Variants in NAPEPLD observed in about 807,000 individuals in gnomAD.
NAPEPLD encodes the protein N-acyl phosphatidylethanolamine phospholipase D.
NAPEPLD carries 23 observed loss-of-function variants against 38.1 expected under a neutral mutation model. That is an observed-to-expected ratio of 0.60 (90% CI 0.43 to 0.86). The LOEUF (loss-of-function observed/expected upper bound fraction) is 0.86. Ranked by LOEUF, NAPEPLD falls within the 40% of genes least tolerant of loss-of-function variation. The pLI is 0.00. For missense variants in NAPEPLD, 411 were observed against 476.8 expected, an observed-to-expected ratio of 0.86 and a Z score of 1.28; for synonymous variants, 147 against 162.0, an observed-to-expected ratio of 0.91 and a Z score of 0.71.
At chr7:103,149,406 C>G (rs918849728), upstream of NAPEPLD, 19 of 1,226,362 alleles carry the variant, frequency 1.5e-5, no homozygotes, top group Non-Finnish European at 1.7e-5. Flanking sequence ...TTCTTCCTAA[C>G]CCGAGCCCGC....
chr7:103,115,103 T>A lies in NAPEPLD; in HGVS notation c.1013A>T (p.Lys338Ile). Residue 338 changes from lysine to isoleucine, a missense_variant, in exon 4 of 5, where the codon AAA becomes ATA. Lys to Ile is a moderately radical substitution (Grantham distance 102, BLOSUM62 -3). Coordinates refer to ENST00000465647, the MANE Select transcript of NAPEPLD (RefSeq NM_001122838.3). ...VRIHTDVQTK[K>I]SMAIHWGTFA... ...AGTTCCCCAGTGAATTGCCATAGAT[T>A]TCTTTGTTTGGACATCAGTGTGAAT... is the stretch of plus-strand genomic sequence containing the variant. The A allele has an allele frequency of 6.2e-7, 1 of 1,614,036 alleles. No individual in the cohort carries two copies. The highest frequency in any genetic ancestry group is 1.1e-5 in the South Asian group (1 of 91,052).
intron 2 of NAPEPLD, chr7:103,127,734 T>G (rs1221775981): frequency 6.6e-6 from 1 of 152,064 alleles, no homozygotes; most frequent in Non-Finnish European, 1.5e-5. Context: ...ATGAAAGAGA[T>G]GTTGTTAACA....
Position 103,120,701 on chromosome 7 carries a change from C to CTTTTTTTTTTTT in NAPEPLD, c.295-490_295-479dup, listed in dbSNP as rs869141133. On this transcript the variant is annotated intron_variant, in intron 2 of 4. Coordinates refer to ENST00000465647, the MANE Select transcript of NAPEPLD (RefSeq NM_001122838.3). The stretch of plus-strand genomic sequence containing the variant: ...CATGAATCATGAATCTGATATTTTT[C>CTTTTTTTTTTTT]TTTTTTTTTTTTTTTTTTTTTTTTT... Among the ~76,000 whole-genome samples, 70 of 82,528 alleles carry CTTTTTTTTTTTT rather than the reference C, an allele frequency of 8.5e-4. 9 individuals carry two copies. The highest frequency in any genetic ancestry group is 1.3e-3 in the Admixed American group (6 of 4,684). The allele number at this position is 82,528 out of a possible 152,430, so 54.1% of individuals were successfully genotyped here.
chr7:103,122,383 C>T (rs1806895130), intron 2 of NAPEPLD, among the ~76,000 whole-genome samples: 1 of 151,832 alleles, frequency 6.6e-6, no homozygotes. Flanking sequence ...CAACAGTTGC[C>T]AAGATATGAA....
chr7:103,120,357 T>C, intron 2 of NAPEPLD, 134 bp from the exon 3 acceptor site: 1 of 933,912 alleles, frequency 1.1e-6, no homozygotes, highest in Non-Finnish European at 1.5e-6. Flanking sequence ...ATAAACTTGC[T>C]ACACTTTTGC....
chr7:103,147,933 AATT>A (rs779832073), intron 1 of NAPEPLD: 208 of 952,046 alleles, frequency 2.2e-4, no homozygotes, highest in South Asian at 3.4e-4. Flanking sequence ...TCTCTCCTTA[AATT>A]ATTATTTTAA....
In NAPEPLD at chr7:103,103,705, C is replaced by G. The variant is rs191293383; in HGVS notation, c.1057-151G>C. The G allele has an allele frequency of 7.4e-4, 556 of 748,812 alleles. 6 individuals carry two copies. Among genetic ancestry groups the G allele is most frequent in the Admixed American group, 5.6e-3 (150 of 26,792 alleles). 46.4% of individuals were successfully genotyped at this position (748,812 alleles called of 1,614,324 possible). On this transcript the variant is annotated intron_variant, in intron 4 of 4. Coordinates refer to ENST00000465647, the MANE Select transcript of NAPEPLD (RefSeq NM_001122838.3). ...GAAGCATTAGCAAATGGGTCTATCA[C>G]ATTTTCTAATACAGTTTTGAGTCAT... is the stretch of plus-strand genomic sequence containing the variant.
rs377552347 is a variant in NAPEPLD, at chr7:103,105,864, C to T, written c.1057-2310G>A. Among the ~76,000 whole-genome samples, 18 of 138,434 alleles carry T rather than the reference C, an allele frequency of 1.3e-4. No homozygotes were observed. In the East Asian group the frequency reaches 2.9e-3, roughly 22 times the overall value. 90.8% of individuals were successfully genotyped at this position (138,434 alleles called of 152,430 possible). A position where few individuals can be genotyped will look rare whatever the true frequency, so the allele number is the denominator to read the frequency against. On this transcript the variant is annotated intron_variant, in intron 4 of 4. Coordinates refer to ENST00000465647, the MANE Select transcript of NAPEPLD (RefSeq NM_001122838.3). ...AGGAGAATTGCTTGAACCCAGGAGA[C>T]GGAGGTTGCAGCGCGCCGAGATCGT...
intron 1 of NAPEPLD, among the ~76,000 whole-genome samples, chr7:103,146,416 C>T (rs992131474): frequency 6.6e-6 from 1 of 151,978 alleles, no homozygotes. Flanking sequence ...TTTCTCTATT[C>T]ATTCTTGTAA....
At chr7:103,116,056 CTTTTTTTCTTTTTTTT>C (rs1231628815) in intron 3 of NAPEPLD, among the ~76,000 whole-genome samples, 1 of 31,494 alleles carries the variant, frequency 3.2e-5, no homozygotes, top group Non-Finnish European at 2.0e-4. Context: ...CCAGTTTTTT[CTTTTTTTCTTTTTTTT>C]TTTTTCTGAG....
chr7:103,123,246 ACAGAATTTGT>A (rs1318782036), intron 2 of NAPEPLD, among the ~76,000 whole-genome samples: 1 of 152,188 alleles, frequency 6.6e-6, no homozygotes, highest in Non-Finnish European at 1.5e-5. Flanking sequence ...TTATGTGTAC[ACAGAATTTGT>A]CCCATGTCTT....
intron 1 of NAPEPLD, among the ~76,000 whole-genome samples, chr7:103,132,362 G>C (rs1350440915): frequency 6.6e-6 from 1 of 152,118 alleles, no homozygotes; most frequent in Non-Finnish European, 1.5e-5. Flanking sequence ...AAATCCAAGA[G>C]ACAACAAAGA....
intron 4 of NAPEPLD, 44 bp downstream of exon 4, chr7:103,115,016 A>G: frequency 6.9e-7 from 1 of 1,452,738 alleles, no homozygotes; most frequent in Non-Finnish European, 9.6e-7. Context: ...GAATCCTATC[A>G]TTGGTCAAAC....
At chr7:103,137,746 G>A (rs1410101478) in intron 1 of NAPEPLD, among the ~76,000 whole-genome samples, 2 of 149,130 alleles carry the variant, frequency 1.3e-5, no homozygotes, top group African/African-American at 5.0e-5. Context: ...AACCCAGGAG[G>A]TAAAGGCTGC....
Sources: gnomAD v4.1 joint callset for allele counts (sites outside exome capture counted in the v4.1 genomes callset) on GRCh38, gnomAD v4.1.1 for gene constraint, MANE v1.5 for transcripts, NCBI Gene and HGNC (gene_info 2026-07-23, HGNC 2026-07-21) for gene names.